TRAK1: variants seen among roughly 807,000 people sequenced by gnomAD.
The protein encoded by TRAK1 is trafficking kinesin protein 1, also known as trafficking kinesin-binding protein 1.
In TRAK1, 33 loss-of-function variants were observed where a neutral mutation model predicts 92.1. That is an observed-to-expected ratio of 0.36 (90% CI 0.27 to 0.48). The LOEUF (loss-of-function observed/expected upper bound fraction) is 0.48. Ranked by LOEUF, TRAK1 falls within the 20% of genes least tolerant of loss-of-function variation. The pLI, the probability that TRAK1 is intolerant of heterozygous loss-of-function variation, is 0.99. For synonymous variants in TRAK1, 521 were observed against 517.3 expected (o/e 1.01, Z -0.10); for missense variants, 1,123 against 1,257.9 (o/e 0.89, Z 1.62).
intron 15 of TRAK1, among the ~76,000 whole-genome samples, 190 bp downstream of exon 15, chr3:42,219,786 G>GTTTTTTTTTTTTT (rs397989334): frequency 1.6e-5 from 1 of 63,498 alleles, no homozygotes; most frequent in Non-Finnish European, 3.3e-5. Context: ...GTTGTTATGT[G>GTTTTTTTTTTTTT]TTTTTTTTTT....
intron 3 of TRAK1, among the ~76,000 whole-genome samples, chr3:42,183,621 C>T (rs927037416): frequency 2.0e-5 from 3 of 151,564 alleles, no homozygotes; most frequent in Admixed American, 1.3e-4. Context: ...AAGCAAAAGC[C>T]GTTTGCCTGG....
intron 14 of TRAK1, chr3:42,218,597 C>T (rs1709982494): frequency 2.0e-6 from 2 of 985,140 alleles, no homozygotes; most frequent in Admixed American, 1.2e-4. Flanking sequence ...CTCCCATAGA[C>T]TCTGTTCCTT....
At chr3:42,177,112 A>G (rs1366573088) in intron 3 of TRAK1, among the ~76,000 whole-genome samples, 2 of 152,220 alleles carry the variant, frequency 1.3e-5, no homozygotes, top group Non-Finnish European at 2.9e-5. Context: ...ATGGCACCAA[A>G]TGTGGTGTGT....
chr3:42,107,949 C>A lies in TRAK1; in HGVS notation c.91+16389C>A, dbSNP rs531080672. 2.0e-5 allele frequency among the ~76,000 whole-genome samples: 3 copies of A among 151,608 alleles called. No individual in the cohort carries two copies. The East Asian group carries it at 5.8e-4, about 29-fold the overall frequency. On this transcript the variant is annotated intron_variant, in intron 1 of 15. Coordinates refer to ENST00000327628, the MANE Select transcript of TRAK1 (RefSeq NM_001042646.3). Reference sequence around the variant, plus strand: ...TTCCATCCTTAAGGTCATGTCACATCTAAGAAGGCTGCGGAAGCTCCAGCC... The same window carrying A: ...TTCCATCCTTAAGGTCATGTCACATATAAGAAGGCTGCGGAAGCTCCAGCC...
intron 2 of TRAK1, among the ~76,000 whole-genome samples, chr3:42,147,545 C>T (rs1055074076): frequency 2.0e-5 from 3 of 152,134 alleles, no homozygotes; most frequent in African/African-American, 7.2e-5. Flanking sequence ...CTGCAGCATG[C>T]GGGGATGGTT....
intron 1 of TRAK1, among the ~76,000 whole-genome samples, chr3:42,018,122 G>A (rs1022500186): frequency 2.0e-5 from 3 of 148,320 alleles, no homozygotes; most frequent in East Asian, 4.0e-4. Context: ...AGAAAAATTA[G>A]TCAGGTGTGG....
At chr3:42,049,162 C>T (rs868810753) in intron 1 of TRAK1, among the ~76,000 whole-genome samples, 3 of 152,176 alleles carry the variant, frequency 2.0e-5, no homozygotes, top group Non-Finnish European at 2.9e-5. Context: ...CATGAACCAC[C>T]GCACCCAGCA....
At chr3:42,042,446 A>G (rs1250648558) in intron 1 of TRAK1, among the ~76,000 whole-genome samples, 1 of 152,060 alleles carries the variant, frequency 6.6e-6, no homozygotes, top group Non-Finnish European at 1.5e-5. Flanking sequence ...GTCTCAGTTC[A>G]CTGTGGCCTC....
chr3:42,057,480 A>T (rs781129078), intron 1 of TRAK1, among the ~76,000 whole-genome samples: 1 of 152,064 alleles, frequency 6.6e-6, no homozygotes, highest in Admixed American at 6.6e-5. Context: ...AGCATGCTGG[A>T]GTAGGGGTTG....
chr3:42,048,531 C>T (rs1202646908), intron 1 of TRAK1, among the ~76,000 whole-genome samples: 1 of 151,168 alleles, frequency 6.6e-6, no homozygotes, highest in Non-Finnish European at 1.5e-5. Flanking sequence ...TCTTTTTCTT[C>T]GGTTACAGTT....
At chr3:42,215,896 G>A (rs1004260416) in intron 14 of TRAK1, among the ~76,000 whole-genome samples, 4 of 152,112 alleles carry the variant, frequency 2.6e-5, no homozygotes, top group Admixed American at 6.5e-5. Flanking sequence ...TGCCAAGTAC[G>A]GTTGCATTTT....
intron 2 of TRAK1, chr3:42,149,345 G>A (rs530691087): frequency 1.9e-4 from 272 of 1,435,224 alleles, no homozygotes; most frequent in Non-Finnish European, 2.3e-4. Flanking sequence ...TTCCCCCATA[G>A]AATTTTTCTT....
chr3:42,212,045 A>C, intron 14 of TRAK1: 5 of 985,426 alleles, frequency 5.1e-6, no homozygotes, highest in Non-Finnish European at 6.0e-6. Context: ...AGGGGAGAAC[A>C]ATGAATTGGC....
intron 1 of TRAK1, among the ~76,000 whole-genome samples, chr3:42,112,625 C>T (rs1300214429): frequency 3.4e-5 from 5 of 148,544 alleles, no homozygotes; most frequent in Non-Finnish European, 7.4e-5. Flanking sequence ...ATCCCAGCTA[C>T]TTGGGAAGCT....
rs764673763 is a variant in TRAK1 at position 42,200,935 on chromosome 3, C to G, written c.1308C>G (p.Ser436=). The G allele has an allele frequency of 3.0e-5, 49 of 1,614,076 alleles. No homozygotes were observed. The highest frequency in any genetic ancestry group is 3.8e-5 in the Non-Finnish European group (45 of 1,180,050). The change falls in exon 12 of 16, where the codon TCC becomes TCG. Residue 436 remains serine (S), a synonymous_variant. Transcript: ENST00000327628. ...PGSNQSSAMN[S]LLSSCVSTPR... is the part of the protein sequence containing the mutation. ...CCAACCAGTCCTCGGCCATGAACTCCCTCCTGTCCAGCTGCGTCAGCACCC... is the reference window on the plus strand; with the variant it reads ...CCAACCAGTCCTCGGCCATGAACTCGCTCCTGTCCAGCTGCGTCAGCACCC...
intron 1 of TRAK1, among the ~76,000 whole-genome samples, chr3:42,103,234 C>A (rs1427710903): frequency 6.6e-6 from 1 of 152,160 alleles, no homozygotes; most frequent in Non-Finnish European, 1.5e-5. Context: ...GTGGCGTGAT[C>A]TTGGCTCACT....
At chr3:42,091,245 G>GA, upstream of TRAK1, 1 of 517,706 alleles carries the variant, frequency 1.9e-6, no homozygotes, top group South Asian at 2.7e-5. Context: ...TTTCTGTTTG[G>GA]GGTGGCTTAA....
At chr3:42,026,005 C>G (rs953684844) in intron 1 of TRAK1, among the ~76,000 whole-genome samples, 3 of 152,122 alleles carry the variant, frequency 2.0e-5, no homozygotes, top group Admixed American at 6.5e-5. Flanking sequence ...TTGTTTCTCT[C>G]TCTGCTGTTT....
chr3:42,193,050 C>G (rs1349166704), intron 7 of TRAK1, 25 bp from the exon 8 acceptor site: 1 of 1,612,430 alleles, frequency 6.2e-7, no homozygotes, highest in Non-Finnish European at 8.5e-7. Context: ...GACTTCCTCT[C>G]CTGATTGTTG....
Sources: gnomAD v4.1 joint callset for allele counts (sites outside exome capture counted in the v4.1 genomes callset) on GRCh38, gnomAD v4.1.1 for gene constraint, MANE v1.5 for transcripts, NCBI Gene and HGNC (gene_info 2026-07-23, HGNC 2026-07-21) for gene names.